CDC14A: variants seen among roughly 807,000 people sequenced by gnomAD.
CDC14A encodes the protein dual specificity protein phosphatase CDC14A.
A neutral mutation model predicts 74.4 loss-of-function variants in CDC14A; 53 were observed. The observed-to-expected ratio is 0.71, with a 90% CI of 0.57 to 0.89. The LOEUF is 0.89. Ranked by LOEUF, CDC14A falls within the 40% of genes least tolerant of loss-of-function variation. The probability of loss-of-function intolerance (pLI) is 0.00; values close to 1 mark genes in which losing one functional copy is unlikely to be tolerated. For synonymous variants in CDC14A, 247 were observed against 258.4 expected, an observed-to-expected ratio of 0.96 and a Z score of 0.43; for missense variants, 646 against 713.7, an observed-to-expected ratio of 0.91 and a Z score of 1.08.
chr1:100,498,513 C>T (rs967717243), intron 14 of CDC14A, among the ~76,000 whole-genome samples: 1 of 152,102 alleles, frequency 6.6e-6, no homozygotes, highest in Admixed American at 6.5e-5. Context: ...CACGTATAGG[C>T]AAGGGAGAAC....
intron 11 of CDC14A, chr1:100,485,279 C>T (rs959511081): frequency 1.0e-6 from 1 of 985,176 alleles, no homozygotes; most frequent in Middle Eastern, 5.2e-4. Flanking sequence ...ACTTTGACAA[C>T]TGGGCATTCA....
chr1:100,442,086 G>T (rs1185265618), intron 6 of CDC14A, among the ~76,000 whole-genome samples: 1 of 151,386 alleles, frequency 6.6e-6, no homozygotes, highest in Non-Finnish European at 1.5e-5. Flanking sequence ...GAGCTAGCTG[G>T]ATAGTTTTTA....
At chr1:100,501,660 T>A (rs1484582594) in intron 15 of CDC14A, among the ~76,000 whole-genome samples, 1 of 152,232 alleles carries the variant, frequency 6.6e-6, no homozygotes, top group African/African-American at 2.4e-5. Flanking sequence ...CTTCTCCTTA[T>A]TAAAACAAAA....
At chr1:100,443,051 C>T (rs552981939) in intron 7 of CDC14A, 55 bp downstream of exon 7, 49 of 1,182,974 alleles carry the variant, frequency 4.1e-5, no homozygotes, top group Non-Finnish European at 5.5e-5. Flanking sequence ...TTAATTTTTT[C>T]CCCCTGTCAC....
chr1:100,382,209 T>A (rs1479977027), intron 3 of CDC14A, among the ~76,000 whole-genome samples: 1 of 147,492 alleles, frequency 6.8e-6, no homozygotes, highest in Non-Finnish European at 1.5e-5. Flanking sequence ...CCTTCCTCTA[T>A]TCTTTTTTTT....
chr1:100,352,755 G>T lies in CDC14A; in HGVS notation c.-200G>T. ...AGCGCCCCGCGCGGAGCGAGCTCGGGTTCCCCTCGGAATGTCCCCGGGGCG... is the reference window on the plus strand; with the variant it reads ...AGCGCCCCGCGCGGAGCGAGCTCGGTTTCCCCTCGGAATGTCCCCGGGGCG... On this transcript the variant is annotated 5_prime_UTR_variant, in exon 1 of 16. Transcript: ENST00000336454. 7.1e-7 allele frequency: 1 copy of T among 1,404,716 alleles called. No homozygotes were observed. The highest frequency in any genetic ancestry group is 2.7e-5 in the East Asian group (1 of 36,414). 87.0% of individuals were successfully genotyped at this position (1,404,716 alleles called of 1,614,324 possible).
chr1:100,514,930 C>T (rs1025056945), intron 15 of CDC14A, among the ~76,000 whole-genome samples: 46 of 152,072 alleles, frequency 3.0e-4, no homozygotes, highest in African/African-American at 1.1e-3. Flanking sequence ...TGTAATTTTA[C>T]TATAAAAATT....
chr1:100,473,865 G>A (rs1271002268), intron 10 of CDC14A, among the ~76,000 whole-genome samples: 4 of 152,064 alleles, frequency 2.6e-5, no homozygotes, highest in African/African-American at 9.7e-5. Context: ...TGTTGGACAG[G>A]CTAAAACTTC....
intron 7 of CDC14A, among the ~76,000 whole-genome samples, chr1:100,447,581 C>G (rs1665700935): frequency 6.6e-6 from 1 of 152,202 alleles, no homozygotes; most frequent in Non-Finnish European, 1.5e-5. Flanking sequence ...ACTTTTACTC[C>G]TTTGAAATCT....
intron 11 of CDC14A, among the ~76,000 whole-genome samples, chr1:100,491,493 A>G (rs1234224627): frequency 1.4e-5 from 2 of 146,876 alleles, no homozygotes; most frequent in Non-Finnish European, 3.0e-5. Flanking sequence ...TTAAATACAT[A>G]AAAATATATC....
At chr1:100,444,947 T>C (rs1665373101) in intron 7 of CDC14A, among the ~76,000 whole-genome samples, 1 of 152,196 alleles carries the variant, frequency 6.6e-6, no homozygotes, top group Admixed American at 6.5e-5. Flanking sequence ...GAGAGTTTTT[T>C]TTAATACCAT....
intron 4 of CDC14A, among the ~76,000 whole-genome samples, chr1:100,409,349 C>T (rs1660368974): frequency 2.0e-5 from 3 of 152,150 alleles, no homozygotes; most frequent in Non-Finnish European, 4.4e-5. Context: ...CATTCCACTC[C>T]TGGTCCCTCC....
chr1:100,478,137 A>G (rs1264408193), intron 10 of CDC14A, among the ~76,000 whole-genome samples: 1 of 152,180 alleles, frequency 6.6e-6, no homozygotes, highest in Non-Finnish European at 1.5e-5. Context: ...AAGTTCTTAA[A>G]CCAAAAATAC....
In CDC14A at chr1:100,519,880, CAA is replaced by C. The variant is rs1650545419; in HGVS notation, c.*1601_*1602del. 6.6e-6 allele frequency: 1 copy of C among 151,718 alleles called. No homozygotes were observed. The highest frequency in any genetic ancestry group is 2.1e-4 in the South Asian group (1 of 4,802). 9.4% of individuals were successfully genotyped at this position (151,718 alleles called of 1,614,324 possible). A position where few individuals can be genotyped will look rare whatever the true frequency, so the allele number is the denominator to read the frequency against. On this transcript the variant is annotated 3_prime_UTR_variant, in exon 16 of 16. Transcript: ENST00000336454. ...TATAGGAAGATGACAGTATTTTTTT[CAA>C]GTTATCATAAAAAGTAATTCAGATG...
intron 4 of CDC14A, chr1:100,393,612 G>A: frequency 3.0e-6 from 2 of 671,142 alleles, no homozygotes; most frequent in Non-Finnish European, 5.6e-6. Context: ...CAGCACTGCA[G>A]CTGCTTCCTG....
chr1:100,489,943 T>C (rs1442956919), intron 11 of CDC14A, among the ~76,000 whole-genome samples: 2 of 152,250 alleles, frequency 1.3e-5, no homozygotes, highest in South Asian at 2.1e-4. Flanking sequence ...AAGGGCAGAA[T>C]GGAGGCCCAG....
intron 14 of CDC14A, 113 bp from the exon 15 acceptor site, chr1:100,498,816 T>G: frequency 7.2e-7 from 1 of 1,384,902 alleles, no homozygotes; most frequent in South Asian, 1.5e-5. Context: ...TTGATCAGAT[T>G]CATCTTCATC....
At chr1:100,353,880 C>A in intron 2 of CDC14A, 28 bp downstream of exon 2, 1 of 1,334,826 alleles carries the variant, frequency 7.5e-7, no homozygotes, top group Non-Finnish European at 1.1e-6. Context: ...TTTTTTTTCT[C>A]TTGGCCATTC....
intron 7 of CDC14A, among the ~76,000 whole-genome samples, chr1:100,446,870 G>A (rs925631860): frequency 2.6e-5 from 4 of 151,960 alleles, no homozygotes; most frequent in African/African-American, 9.7e-5. Context: ...GCTAATTTTT[G>A]TATTTTTTTG....
Sources: gnomAD v4.1 joint callset for allele counts (sites outside exome capture counted in the v4.1 genomes callset) on GRCh38, gnomAD v4.1.1 for gene constraint, MANE v1.5 for transcripts, NCBI Gene and HGNC (gene_info 2026-07-23, HGNC 2026-07-21) for gene names.